PPP2R5C: variants seen among roughly 807,000 people sequenced by gnomAD.
PPP2R5C encodes protein phosphatase 2 regulatory subunit B'gamma.
Under a neutral mutation model 68.9 loss-of-function variants are expected in PPP2R5C, and 7 were observed. The ratio of observed to expected loss-of-function variants is 0.10; its 90% CI spans 0.06 to 0.19. The LOEUF is 0.19. Among genes scored for constraint, PPP2R5C ranks in the 10% least tolerant of loss-of-function variants. The probability of loss-of-function intolerance (pLI) is 1.00; values close to 1 mark genes in which losing one functional copy is unlikely to be tolerated. For missense variants in PPP2R5C, 348 were observed against 641.3 expected (o/e 0.54, Z 4.94); for synonymous variants, 210 against 222.2 (o/e 0.95, Z 0.49).
At chr14:101,823,050 A>C (rs1002021626) in intron 1 of PPP2R5C, among the ~76,000 whole-genome samples, 1 of 152,138 alleles carries the variant, frequency 6.6e-6, no homozygotes, top group Non-Finnish European at 1.5e-5. Context: ...TGTAAAAAGG[A>C]GGAGAGCCTT....
chr14:101,800,739 A>G (rs1284425108), intron 3 of PPP2R5C, among the ~76,000 whole-genome samples: 1 of 152,144 alleles, frequency 6.6e-6, no homozygotes, highest in African/African-American at 2.4e-5. Context: ...AAAAGAAAGA[A>G]AATCAGTATA....
chr14:101,810,714 A>C (rs1012965984), intron 1 of PPP2R5C, among the ~76,000 whole-genome samples: 1 of 152,222 alleles, frequency 6.6e-6, no homozygotes, highest in East Asian at 1.9e-4. Context: ...AATGGCAACA[A>C]GTTTTCAAGG....
intron 1 of PPP2R5C, among the ~76,000 whole-genome samples, chr14:101,854,116 A>G (rs1038905262): frequency 4.6e-5 from 7 of 152,206 alleles, no homozygotes; most frequent in Non-Finnish European, 8.8e-5. Context: ...CGCTGTAATG[A>G]CAGTTACTCG....
chr14:101,790,685 A>G (rs991667824), intron 3 of PPP2R5C, among the ~76,000 whole-genome samples: 1 of 152,238 alleles, frequency 6.6e-6, no homozygotes, highest in Non-Finnish European at 1.5e-5. Context: ...GCTGCTGTGA[A>G]CATTTGCATA....
intron 5 of PPP2R5C, among the ~76,000 whole-genome samples, chr14:101,887,345 T>C (rs1440196547): frequency 6.6e-6 from 1 of 152,204 alleles, no homozygotes; most frequent in Non-Finnish European, 1.5e-5. Context: ...CACCTGCTCA[T>C]GCTCTTATCT....
chr14:101,823,852 T>C, intron 1 of PPP2R5C: 5 of 1,213,110 alleles, frequency 4.1e-6, no homozygotes, highest in Non-Finnish European at 5.3e-6. Flanking sequence ...CTTTTTACAG[T>C]GGTGTAGAGT....
At chr14:101,901,926 A>C in intron 9 of PPP2R5C, 37 bp downstream of exon 11, 1 of 1,594,254 alleles carries the variant, frequency 6.3e-7, no homozygotes, top group Non-Finnish European at 8.6e-7. Context: ...AAATTCTTCC[A>C]GTGTTCATTT....
exon 14 of PPP2R5C, chr14:101,927,135 T>G (rs2047316862): frequency 6.6e-6 from 1 of 152,198 alleles, no homozygotes. Flanking sequence ...TTCTCAAATA[T>G]CCTTGATTTT....
At chr14:101,845,020 G>A in intron 1 of PPP2R5C, among the ~76,000 whole-genome samples, 1 of 152,046 alleles carries the variant, frequency 6.6e-6, no homozygotes, top group East Asian at 1.9e-4. Context: ...TCTCCCCAAG[G>A]CTTTCTAGAA....
chr14:101,816,960 A>G (rs1460865821), intron 1 of PPP2R5C, among the ~76,000 whole-genome samples: 10 of 141,030 alleles, frequency 7.1e-5, no homozygotes, highest in Admixed American at 2.2e-4. Flanking sequence ...ATATATGTAT[A>G]TATATTTTTT....
At chr14:101,865,639 T>G (rs1409786047) in intron 2 of PPP2R5C, among the ~76,000 whole-genome samples, 1 of 152,200 alleles carries the variant, frequency 6.6e-6, no homozygotes, top group Non-Finnish European at 1.5e-5. Flanking sequence ...ACGGCTTGGT[T>G]CTGCAAGCTT....
In PPP2R5C at chr14:101,916,200, G is replaced by T. The variant is rs1027348727; in HGVS notation, c.1327-1631G>T. Among the ~76,000 whole-genome samples the T allele has an allele frequency of 2.0e-5, 3 of 152,240 alleles. No homozygotes were observed. Among genetic ancestry groups the T allele is most frequent in the African/African-American group, 7.2e-5 (3 of 41,460 alleles). ...GGAGTGCTGGGGCTGTCGGGGTAGG[G>T]TGTGGAGATGTGTGGAGATCGTGGT... On this transcript the variant is annotated intron_variant, in intron 12 of 13. Transcript: ENST00000334743. The surrounding 1 kb of genome is among the most constrained non-coding windows in gnomAD (Gnocchi z 5.5).
At chr14:101,789,730 G>C (rs976833451) in intron 3 of PPP2R5C, 2 of 152,194 alleles carry the variant, frequency 1.3e-5, no homozygotes, top group African/African-American at 4.8e-5. Flanking sequence ...GCCTGGAGCA[G>C]CTTTTCCCGC....
intron 11 of PPP2R5C, among the ~76,000 whole-genome samples, chr14:101,910,862 G>A (rs991662145): frequency 1.3e-5 from 2 of 152,100 alleles, no homozygotes; most frequent in Admixed American, 1.3e-4. Context: ...CAGCACTTTG[G>A]GAGGCCAAAG....
rs531103008 is a variant in PPP2R5C at position 101,921,733 on chromosome 14, G to T, written c.1444-3408G>T. On this transcript the variant is annotated intron_variant, in intron 13 of 13. Transcript: ENST00000334743. ...TTTCTTTGAGATGATGTGAGTGTTGGGTAGGGAGAGGTGTGAGAGGTAGTT... is the reference window on the plus strand; with the variant it reads ...TTTCTTTGAGATGATGTGAGTGTTGTGTAGGGAGAGGTGTGAGAGGTAGTT... 3.3e-5 allele frequency among the ~76,000 whole-genome samples: 5 copies of T among 152,176 alleles called. No homozygotes were observed. The South Asian group carries it at 1.0e-3, about 32-fold the overall frequency.
chr14:101,800,617 C>G (rs2038819799), intron 3 of PPP2R5C, among the ~76,000 whole-genome samples: 1 of 149,716 alleles, frequency 6.7e-6, no homozygotes, highest in Non-Finnish European at 1.5e-5. Flanking sequence ...CTTTTAATTA[C>G]TCTGAAAGTA....
intron 10 of PPP2R5C, among the ~76,000 whole-genome samples, chr14:101,908,956 G>A (rs1241966660): frequency 1.3e-5 from 2 of 152,200 alleles, no homozygotes; most frequent in Non-Finnish European, 2.9e-5. Context: ...CAGTCCTGCG[G>A]GTCGAGCAGG....
chr14:101,797,528 C>T lies in PPP2R5C; in HGVS notation c.259+11345C>T, dbSNP rs2038670577. On this transcript the variant is annotated intron_variant, in intron 3 of 14. Transcript: ENST00000328724. This position sits in a 1 kb window ranked among gnomAD's most constrained non-coding sequence, Gnocchi z 4.2. The stretch of plus-strand genomic sequence containing the variant: ...TTTCACCGAGATGGTTGTGGTGTCA[C>T]CTCTCGTGGGGTGGCCAAAACCCCA... 6.3e-6 allele frequency: 2 copies of T among 318,562 alleles called. No individual in the cohort carries two copies. The highest frequency in any genetic ancestry group is 4.9e-5 in the South Asian group (2 of 40,962). The allele number at this position is 318,562 out of a possible 1,614,324, so 19.7% of individuals were successfully genotyped here. A position where few individuals can be genotyped will look rare whatever the true frequency, so the allele number is the denominator to read the frequency against.
intron 2 of PPP2R5C, among the ~76,000 whole-genome samples, chr14:101,771,103 A>G (rs986312008): frequency 9.2e-5 from 14 of 152,104 alleles, no homozygotes; most frequent in African/African-American, 3.4e-4. Flanking sequence ...CCCAAATCCA[A>G]ACAGCGTTGT....
Sources: allele counts gnomAD v4.1 joint callset (sites outside exome capture counted in the v4.1 genomes callset), GRCh38; gene constraint gnomAD v4.1.1; non-coding constraint Gnocchi (gnomAD v3.1); transcripts MANE v1.5; gene names NCBI Gene and HGNC (gene_info 2026-07-23, HGNC 2026-07-21).